Variants in FRMD6 observed in about 807,000 individuals in gnomAD.
FRMD6 encodes the protein FERM domain containing 6.
FRMD6 carries 37 observed loss-of-function variants against 73.2 expected under a neutral mutation model. That is an observed-to-expected ratio of 0.51 (90% CI 0.39 to 0.66). The LOEUF is 0.66. Ranked by LOEUF, FRMD6 falls within the 30% of genes least tolerant of loss-of-function variation. FRMD6 has a pLI of 0.00. For missense variants in FRMD6, 714 were observed against 780.5 expected, an observed-to-expected ratio of 0.91 and a Z score of 1.02; for synonymous variants, 273 against 282.2, an observed-to-expected ratio of 0.97 and a Z score of 0.33.
At chr14:51,604,684 A>G (rs951908371) in intron 2 of FRMD6, among the ~76,000 whole-genome samples, 1 of 152,154 alleles carries the variant, frequency 6.6e-6, no homozygotes. Flanking sequence ...TCCCTTGGGT[A>G]GAACAACGTC....
chr14:51,715,618 T>C, intron 10 of FRMD6, 119 bp downstream of exon 10: 1 of 743,508 alleles, frequency 1.3e-6, no homozygotes, highest in Non-Finnish European at 2.1e-6. Flanking sequence ...CACTCCAGAT[T>C]GAGAGCAGCA....
At chr14:51,505,765 C>A (rs1166586776) in intron 1 of FRMD6, among the ~76,000 whole-genome samples, 1 of 152,056 alleles carries the variant, frequency 6.6e-6, no homozygotes, top group African/African-American at 2.4e-5. Flanking sequence ...TTGAATGTCC[C>A]CCCTCGACTC....
chr14:51,725,985 T>G (rs915115797), intron 13 of FRMD6, 115 bp downstream of exon 13: 32 of 648,284 alleles, frequency 4.9e-5, no homozygotes, highest in Non-Finnish European at 7.9e-5. Flanking sequence ...AAATGATCCT[T>G]CCTAGATACG....
chr14:51,601,227 C>T (rs556723943), intron 2 of FRMD6, among the ~76,000 whole-genome samples: 70 of 152,284 alleles, frequency 4.6e-4, no homozygotes, highest in African/African-American at 1.6e-3. Flanking sequence ...AACACTGCCA[C>T]AAGAGAAAAC....
At chr14:51,561,985 A>G (rs776773385) in intron 1 of FRMD6, among the ~76,000 whole-genome samples, 9 of 152,210 alleles carry the variant, frequency 5.9e-5, no homozygotes, top group African/African-American at 9.6e-5. Context: ...GAATTAGCCA[A>G]TTCAGCTTCT....
chr14:51,449,071 A>G, the FRMD6 span, among the ~76,000 whole-genome samples: 1 of 152,184 alleles, frequency 6.6e-6, no homozygotes, highest in Non-Finnish European at 1.5e-5. Flanking sequence ...TCATTAAAAT[A>G]GAGATTCATC....
At chr14:51,581,647 T>C (rs1888730492) in intron 2 of FRMD6, among the ~76,000 whole-genome samples, 1 of 152,202 alleles carries the variant, frequency 6.6e-6, no homozygotes. Flanking sequence ...GTTCATTTTG[T>C]GAAGAGGCAA....
At chr14:51,655,185 C>T (rs369921740) in intron 1 of FRMD6, among the ~76,000 whole-genome samples, 1 of 152,062 alleles carries the variant, frequency 6.6e-6, no homozygotes, top group Non-Finnish European at 1.5e-5. Context: ...CGAGGAAAAA[C>T]AAACACAGTT....
chr14:51,499,936 G>A (rs1883507716), intron 1 of FRMD6, among the ~76,000 whole-genome samples: 1 of 151,984 alleles, frequency 6.6e-6, no homozygotes, highest in Non-Finnish European at 1.5e-5. Context: ...ATGGCTTGGT[G>A]GCCCTGAACC....
intron 1 of FRMD6, among the ~76,000 whole-genome samples, chr14:51,540,786 AAAATT>A (rs1194524551): frequency 1.3e-5 from 2 of 152,178 alleles, no homozygotes; most frequent in Non-Finnish European, 2.9e-5. Context: ...TGCTGTCAAT[AAAATT>A]TAAAGGAAAA....
chr14:51,611,334 G>A (rs1287927788), intron 2 of FRMD6, among the ~76,000 whole-genome samples: 5 of 152,138 alleles, frequency 3.3e-5, no homozygotes, highest in South Asian at 4.1e-4. Context: ...AAGGAGAGTG[G>A]CTGCATAAAC....
At chr14:51,404,127 G>T in the FRMD6 span, among the ~76,000 whole-genome samples, 7 of 152,048 alleles carry the variant, frequency 4.6e-5, no homozygotes, top group Non-Finnish European at 8.8e-5. Context: ...TGGTAGGCTT[G>T]AAATACTATT....
chr14:51,465,450 G>A, the FRMD6 span, among the ~76,000 whole-genome samples: 93 of 151,992 alleles, frequency 6.1e-4, no homozygotes, highest in African/African-American at 2.0e-3. Context: ...CCCTCCCCCC[G>A]CCATCTCTAG....
intron 2 of FRMD6, among the ~76,000 whole-genome samples, chr14:51,636,318 C>G (rs1469819356): frequency 6.6e-6 from 1 of 152,160 alleles, no homozygotes; most frequent in Non-Finnish European, 1.5e-5. Context: ...TAGAGTCCTT[C>G]CCAGAAAAGG....
chr14:51,715,965 G>A lies in FRMD6; in HGVS notation c.1024+466G>A, dbSNP rs566643601. Among the ~76,000 whole-genome samples the A allele has an allele frequency of 6.5e-4, 99 of 152,310 alleles. 1 individual carries two copies. Among genetic ancestry groups the A allele is most frequent in the Non-Finnish European group, 2.6e-4 (18 of 68,026 alleles). On this transcript the variant is annotated intron_variant, in intron 10 of 13. Transcript: ENST00000344768. ...GACAATAAAGGTAGGTCACAGATGT[G>A]TCTGCAGCCTCTGATTGACGGCTGG...
At chr14:51,653,672 A>G (rs1892598682) in intron 1 of FRMD6, among the ~76,000 whole-genome samples, 1 of 152,186 alleles carries the variant, frequency 6.6e-6, no homozygotes, top group Admixed American at 6.5e-5. Context: ...GCCTTTGCTG[A>G]TGTCCTTTGT....
chr14:51,398,895 C>G, the FRMD6 span, among the ~76,000 whole-genome samples: 3 of 152,142 alleles, frequency 2.0e-5, no homozygotes, highest in African/African-American at 7.2e-5. Flanking sequence ...TGGCTCAAAA[C>G]ATGTCAGCAG....
At chr14:51,457,421 G>A in the FRMD6 span, among the ~76,000 whole-genome samples, 3 of 152,220 alleles carry the variant, frequency 2.0e-5, no homozygotes, top group South Asian at 2.1e-4. Flanking sequence ...GGTTGATGAA[G>A]CATTTTTATA....
rs183604535 is a variant in FRMD6 at position 51,565,935 on chromosome 14, C to T, written c.-209-4413C>T. Among the ~76,000 whole-genome samples, 69 of 152,216 alleles carry T rather than the reference C, an allele frequency of 4.5e-4. 1 individual carries two copies. In the East Asian group the frequency reaches 0.01, roughly 23 times the overall value. On this transcript the variant is annotated intron_variant, in intron 1 of 14. Coordinates refer to the FRMD6 transcript ENST00000356218. ...ATCCCAGCACTTTGGGAGGCCGAGG[C>T]GGGCAGATCATGAGGTCAGGAGATT... is the stretch of plus-strand genomic sequence containing the variant.
Sources: allele counts gnomAD v4.1 joint callset (sites outside exome capture counted in the v4.1 genomes callset), GRCh38; gene constraint gnomAD v4.1.1; transcripts MANE v1.5; gene names NCBI Gene and HGNC (gene_info 2026-07-23, HGNC 2026-07-21).